The following GRIK4 variants were observed in gnomAD, a reference collection of about 807,000 sequenced individuals.
GRIK4 encodes the protein glutamate ionotropic receptor kainate type subunit 4.
A neutral mutation model predicts 104.9 loss-of-function variants in GRIK4; 40 were observed. That is an observed-to-expected ratio of 0.38 (90% CI 0.30 to 0.50). GRIK4 has a LOEUF of 0.50. GRIK4 is among the 20% of genes least tolerant of loss of function. GRIK4 has a pLI of 0.93. For missense variants in GRIK4, 1,047 were observed against 1,308.1 expected (o/e 0.80, Z 3.08); for synonymous variants, 485 against 524.9 (o/e 0.92, Z 1.04).
chr11:120,782,172 G>C (rs946528481), intron 3 of GRIK4, among the ~76,000 whole-genome samples: 7 of 151,870 alleles, frequency 4.6e-5, no homozygotes, highest in African/African-American at 1.5e-4. Flanking sequence ...CATGTGTGCT[G>C]TCTGCCTCCT....
intron 3 of GRIK4, among the ~76,000 whole-genome samples, chr11:120,716,571 A>G (rs1950839309): frequency 6.6e-6 from 1 of 152,176 alleles, no homozygotes; most frequent in Non-Finnish European, 1.5e-5. Flanking sequence ...AGTGACTGCT[A>G]TGTGCAGGCT....
In GRIK4 at chr11:120,986,034, G is replaced by C; in HGVS notation, c.2645G>C (p.Arg882Pro). The stretch of plus-strand genomic sequence containing the variant: ...CCCATCCCCGAGGAGCGCCGACCGC[G>C]GGGCACGGCGACGCTCAGCAACGGG... ...RPPIPEERRP[R>P]GTATLSNGKL... is the part of the protein sequence containing the mutation. Residue 882 changes from arginine to proline, a missense_variant, in exon 21 of 21, where the codon CGG becomes CCG. Physicochemically the swap from Arg to Pro is moderately radical, Grantham distance 103. Transcript: ENST00000527524. The C allele has an allele frequency of 1.3e-6, 2 of 1,523,494 alleles. No individual in the cohort carries two copies. The highest frequency in any genetic ancestry group is 1.8e-6 in the Non-Finnish European group (2 of 1,137,136). The allele number at this position is 1,523,494 out of a possible 1,614,324, so 94.4% of individuals were successfully genotyped here. A position where few individuals can be genotyped will look rare whatever the true frequency, so the allele number is the denominator to read the frequency against.
intron 3 of GRIK4, among the ~76,000 whole-genome samples, chr11:120,665,637 C>A (rs1272266540): frequency 6.6e-6 from 1 of 152,192 alleles, no homozygotes; most frequent in Non-Finnish European, 1.5e-5. Context: ...AACTTCTCTT[C>A]CCCCAGGAAT....
chr11:120,676,068 T>C (rs1475424103), intron 3 of GRIK4, among the ~76,000 whole-genome samples: 4 of 152,110 alleles, frequency 2.6e-5, no homozygotes, highest in African/African-American at 9.7e-5. Flanking sequence ...TCCTTGTGGT[T>C]ATAGGATGGG....
chr11:120,809,902 C>T (rs1305811630), intron 4 of GRIK4, among the ~76,000 whole-genome samples: 1 of 152,040 alleles, frequency 6.6e-6, no homozygotes. Context: ...CCCATCTCTA[C>T]AAAAAATAAA....
intron 19 of GRIK4, among the ~76,000 whole-genome samples, chr11:120,968,249 G>A (rs565891680): frequency 5.3e-5 from 8 of 152,280 alleles, no homozygotes; most frequent in South Asian, 2.1e-4. Context: ...GCCCAGGATG[G>A]TATAGTCTTG....
chr11:120,594,294 A>G (rs534982924), intron 1 of GRIK4, among the ~76,000 whole-genome samples: 18 of 152,294 alleles, frequency 1.2e-4, no homozygotes, highest in African/African-American at 3.9e-4. Context: ...CTTGGGCAAC[A>G]TGGTGAGACC....
chr11:120,730,832 A>G (rs972740485), intron 3 of GRIK4, among the ~76,000 whole-genome samples: 3 of 152,078 alleles, frequency 2.0e-5, no homozygotes, highest in Non-Finnish European at 4.4e-5. Flanking sequence ...GGCTATTTTG[A>G]ATGAAATTAC....
chr11:120,733,632 C>A (rs1048643615), intron 3 of GRIK4, among the ~76,000 whole-genome samples: 16 of 152,004 alleles, frequency 1.1e-4, no homozygotes, highest in African/African-American at 3.9e-4. Flanking sequence ...TAACTTTGAC[C>A]CCCTGCTTTT....
chr11:120,630,562 T>C (rs1477264895), intron 1 of GRIK4, among the ~76,000 whole-genome samples: 1 of 152,172 alleles, frequency 6.6e-6, no homozygotes, highest in East Asian at 1.9e-4. Flanking sequence ...CCTCCTCTTT[T>C]AAGGGTGTTG....
intron 13 of GRIK4, among the ~76,000 whole-genome samples, chr11:120,938,760 G>A (rs12796598): frequency 0.015 from 2,322 of 152,292 alleles, 28 homozygotes; most frequent in Non-Finnish European, 0.026. Context: ...TTGTAGGCTC[G>A]TCTGAGATAC....
At chr11:120,681,888 A>G (rs1267456665) in intron 3 of GRIK4, among the ~76,000 whole-genome samples, 1 of 152,230 alleles carries the variant, frequency 6.6e-6, no homozygotes, top group African/African-American at 2.4e-5. Context: ...TGCTCCGGGT[A>G]AAGGCTCTCC....
chr11:120,582,413 G>C (rs1264589670), intron 1 of GRIK4, among the ~76,000 whole-genome samples: 1 of 152,024 alleles, frequency 6.6e-6, no homozygotes, highest in Non-Finnish European at 1.5e-5. Flanking sequence ...CATCGCCGAG[G>C]TAATAAGTAT....
Position 120,742,700 on chromosome 11 carries a change from G to A in GRIK4, c.83-59993G>A, listed in dbSNP as rs192780055. ...ATTAGTTCAACCATTGTGGAAAGCA[G>A]TATGGCATTTCCACAAAGAGCTAAA... On this transcript the variant is annotated intron_variant, in intron 3 of 20. Transcript: ENST00000527524. Among the ~76,000 whole-genome samples, 254 of 152,180 alleles carry A rather than the reference G, an allele frequency of 1.7e-3. 3 individuals are homozygous for A. The highest frequency in any genetic ancestry group is 5.8e-3 in the African/African-American group (242 of 41,500).
intron 14 of GRIK4, among the ~76,000 whole-genome samples, chr11:120,943,902 T>A (rs1237229184): frequency 6.6e-6 from 1 of 152,258 alleles, no homozygotes; most frequent in Non-Finnish European, 1.5e-5. Flanking sequence ...TTTGTGACTT[T>A]CCAGCGATCC....
intron 13 of GRIK4, among the ~76,000 whole-genome samples, chr11:120,938,147 G>C (rs1166217061): frequency 6.6e-6 from 1 of 152,070 alleles, no homozygotes. Flanking sequence ...GTTCATTTCT[G>C]TTACCTGACA....
chr11:120,787,424 GTTATTTTATTTTATT>G (rs372142776), intron 3 of GRIK4, among the ~76,000 whole-genome samples: 1 of 151,332 alleles, frequency 6.6e-6, no homozygotes, highest in African/African-American at 2.4e-5. Flanking sequence ...TTCTTTTGAT[GTTATTTTATTTTATT>G]TTATTTTATT....
chr11:120,619,463 A>G (rs899049385), intron 1 of GRIK4, among the ~76,000 whole-genome samples: 6 of 152,174 alleles, frequency 3.9e-5, no homozygotes, highest in Admixed American at 3.9e-4. Context: ...AGGCATGATT[A>G]TATTTTCCAA....
intron 8 of GRIK4, among the ~76,000 whole-genome samples, chr11:120,853,779 C>T (rs1476726010): frequency 1.3e-5 from 2 of 152,152 alleles, no homozygotes; most frequent in Non-Finnish European, 2.9e-5. Flanking sequence ...AAATTAGAAT[C>T]GTTTAGTGTT....
Sources: gnomAD v4.1 joint callset for allele counts (sites outside exome capture counted in the v4.1 genomes callset) on GRCh38, gnomAD v4.1.1 for gene constraint, MANE v1.5 for transcripts, NCBI Gene and HGNC (gene_info 2026-07-23, HGNC 2026-07-21) for gene names.